Variants in FHIT observed in about 807,000 individuals in gnomAD.
FHIT encodes the protein fragile histidine triad diadenosine triphosphatase.
Under a neutral mutation model 17.9 loss-of-function variants are expected in FHIT, and 19 were observed. That is an observed-to-expected ratio of 1.06 (90% confidence interval 0.74 to 1.56). FHIT has a LOEUF of 1.56. Ranked by LOEUF, FHIT falls within the 40% of genes most tolerant of loss-of-function variation. FHIT has a pLI of 0.00. For synonymous variants in FHIT, 81 were observed against 69.7 expected (o/e 1.16, Z -0.81); for missense variants, 248 against 189.2 (o/e 1.31, Z -1.82).
chr3:59,814,679 C>T (rs1401626655), intron 8 of FHIT, among the ~76,000 whole-genome samples: 1 of 152,162 alleles, frequency 6.6e-6, no homozygotes, highest in Non-Finnish European at 1.5e-5. Context: ...TATTTCTCCC[C>T]TATTATCCTT....
At chr3:60,120,731 C>T (rs777995215) in intron 5 of FHIT, among the ~76,000 whole-genome samples, 45 of 152,170 alleles carry the variant, frequency 3.0e-4, no homozygotes, top group Non-Finnish European at 4.0e-4. Context: ...AGTTTCAAGA[C>T]AGGTACTCAC....
chr3:60,312,287 C>G (rs1189943386), intron 5 of FHIT, among the ~76,000 whole-genome samples: 1 of 152,044 alleles, frequency 6.6e-6, no homozygotes, highest in African/African-American at 2.4e-5. Context: ...AGGCATACAC[C>G]ATCATGCCTG....
At chr3:60,397,399 G>A (rs1257200040) in intron 5 of FHIT, among the ~76,000 whole-genome samples, 1 of 152,126 alleles carries the variant, frequency 6.6e-6, no homozygotes, top group African/African-American at 2.4e-5. Context: ...AGGCTCCAGG[G>A]TACTTCCAAG....
intron 4 of FHIT, among the ~76,000 whole-genome samples, chr3:60,784,515 T>A (rs1253139058): frequency 2.6e-5 from 4 of 152,098 alleles, no homozygotes; most frequent in African/African-American, 9.7e-5. Context: ...TTTGTCCTTT[T>A]AGTAGAGATG....
At chr3:60,993,937 T>C (rs554991826) in intron 3 of FHIT, among the ~76,000 whole-genome samples, 3 of 152,166 alleles carry the variant, frequency 2.0e-5, no homozygotes, top group Admixed American at 6.5e-5. Context: ...CACGTGCCTA[T>C]TGAGCACCTG....
chr3:59,921,513 T>C (rs903222589), intron 8 of FHIT, among the ~76,000 whole-genome samples: 1 of 152,236 alleles, frequency 6.6e-6, no homozygotes, highest in Non-Finnish European at 1.5e-5. Context: ...TGCTAATCAA[T>C]CACAGCATTT....
chr3:60,862,348 T>A (rs1411316155), intron 3 of FHIT, among the ~76,000 whole-genome samples: 4 of 152,102 alleles, frequency 2.6e-5, no homozygotes, highest in African/African-American at 9.7e-5. Context: ...GTATTTTTTT[T>A]ATAGAGACGC....
chr3:60,135,205 A>C (rs1455018037), intron 5 of FHIT, among the ~76,000 whole-genome samples: 3 of 152,174 alleles, frequency 2.0e-5, no homozygotes, highest in African/African-American at 7.2e-5. Context: ...AAGCTTTTCT[A>C]TTACCAGGGT....
At chr3:60,866,854 C>T (rs1053794258) in intron 3 of FHIT, among the ~76,000 whole-genome samples, 1 of 152,142 alleles carries the variant, frequency 6.6e-6, no homozygotes, top group African/African-American at 2.4e-5. Context: ...ATTGCAGTCT[C>T]CCTTCCCATG....
intron 5 of FHIT, among the ~76,000 whole-genome samples, chr3:60,073,056 T>G (rs1702849982): frequency 6.6e-6 from 1 of 152,204 alleles, no homozygotes; most frequent in Admixed American, 6.5e-5. Flanking sequence ...AGTTTGAAAC[T>G]AGGTCTTCTT....
chr3:61,059,182 T>C (rs763415371), intron 2 of FHIT, among the ~76,000 whole-genome samples: 1 of 152,218 alleles, frequency 6.6e-6, no homozygotes, highest in Non-Finnish European at 1.5e-5. Context: ...TGAACAGTTA[T>C]AGTAACTTTC....
chr3:60,487,836 C>G (rs559045845), intron 5 of FHIT, among the ~76,000 whole-genome samples: 3 of 152,304 alleles, frequency 2.0e-5, no homozygotes, highest in Non-Finnish European at 4.4e-5. Flanking sequence ...CTAATTCCGT[C>G]TATCCTATTC....
At chr3:61,186,175 T>G (rs1004395693) in intron 2 of FHIT, among the ~76,000 whole-genome samples, 1 of 152,204 alleles carries the variant, frequency 6.6e-6, no homozygotes, top group African/African-American at 2.4e-5. Context: ...ACTAAGTTAT[T>G]TACATCACTG....
intron 5 of FHIT, among the ~76,000 whole-genome samples, chr3:60,305,072 C>A (rs1708610727): frequency 6.6e-6 from 1 of 152,114 alleles, no homozygotes; most frequent in Admixed American, 6.6e-5. Context: ...GTAAGCCATT[C>A]ACTTTGTTTG....
At chr3:60,577,814 T>C (rs1222593129) in intron 4 of FHIT, among the ~76,000 whole-genome samples, 19 of 152,184 alleles carry the variant, frequency 1.2e-4, no homozygotes, top group Admixed American at 1.2e-3. Flanking sequence ...AATCATTAGA[T>C]GCCTCATTGG....
chr3:59,914,370 T>C (rs936370963), intron 8 of FHIT, among the ~76,000 whole-genome samples: 1 of 152,148 alleles, frequency 6.6e-6, no homozygotes. Context: ...AAGCCGGGAT[T>C]CTAAACATCA....
intron 2 of FHIT, among the ~76,000 whole-genome samples, chr3:61,088,658 A>C (rs1482244919): frequency 6.6e-6 from 1 of 152,170 alleles, no homozygotes; most frequent in Non-Finnish European, 1.5e-5. Flanking sequence ...AATATTCACC[A>C]ATGCCAAGAA....
chr3:59,868,038 T>TTC (rs1702735234), intron 8 of FHIT, among the ~76,000 whole-genome samples: 2 of 142,164 alleles, frequency 1.4e-5, no homozygotes, highest in South Asian at 4.4e-4. Context: ...GGAAATGTTT[T>TTC]TTTTTTTTTA....
At chr3:60,451,511 T>G (rs939582284) in intron 5 of FHIT, among the ~76,000 whole-genome samples, 1 of 152,142 alleles carries the variant, frequency 6.6e-6, no homozygotes, top group Admixed American at 6.6e-5. Context: ...TGAAACCATA[T>G]AGTACATACA....
Sources: allele counts gnomAD v4.1 joint callset (sites outside exome capture counted in the v4.1 genomes callset), GRCh38; gene constraint gnomAD v4.1.1; transcripts MANE v1.5; gene names NCBI Gene and HGNC (gene_info 2026-07-23, HGNC 2026-07-21).